TBC1D32: variants seen among roughly 807,000 people sequenced by gnomAD.
TBC1D32 encodes the protein protein broad-minded.
TBC1D32 carries 151 observed loss-of-function variants against 170.3 expected under a neutral mutation model. The observed-to-expected ratio is 0.89, with a 90% CI of 0.78 to 1.01. The LOEUF is 1.01. Ranked by LOEUF, TBC1D32 falls within the 50% of genes least tolerant of loss-of-function variation. The pLI, the probability that TBC1D32 is intolerant of heterozygous loss-of-function variation, is 0.00. For missense variants in TBC1D32, 1,464 were observed against 1,457.1 expected, an observed-to-expected ratio of 1.00 and a Z score of -0.08; for synonymous variants, 498 against 488.0, an observed-to-expected ratio of 1.02 and a Z score of -0.27.
At chr6:121,224,990 T>A (rs1486431028) in intron 20 of TBC1D32, among the ~76,000 whole-genome samples, 1 of 152,042 alleles carries the variant, frequency 6.6e-6, no homozygotes, top group Non-Finnish European at 1.5e-5. Context: ...AAAAAATAAC[T>A]GATACAATAA....
intron 24 of TBC1D32, among the ~76,000 whole-genome samples, chr6:121,146,960 C>T (rs947582915): frequency 3.3e-5 from 5 of 152,052 alleles, no homozygotes; most frequent in African/African-American, 9.7e-5. Context: ...TCATCCCATG[C>T]TCCCCCTTCC....
In TBC1D32 at chr6:121,113,092, G is replaced by A. The variant is rs1779350491; in HGVS notation, c.3139C>T (p.Gln1047Ter). 1 of 1,611,182 alleles carries A rather than the reference G, an allele frequency of 6.2e-7. No individual in the cohort carries two copies. Among genetic ancestry groups the A allele is most frequent in the Admixed American group, 1.7e-5 (1 of 59,472 alleles). Residue 1047 changes from glutamine to a stop codon, truncating the protein, a stop_gained, in exon 28 of 32, where the codon CAG becomes TAG. Coordinates refer to ENST00000398212, the MANE Select transcript of TBC1D32 (RefSeq NM_152730.6). LOFTEE classifies it high-confidence loss of function. ...VLKHCERFLK[Q>*]QQTSIKSSLL... ...GAAGATTTTATGGAAGTTTGCTGCT[G>A]TTTCAGGAATCTCTCACAATGCTTT...
At chr6:121,132,840 A>T (rs1781589436) in intron 24 of TBC1D32, among the ~76,000 whole-genome samples, 1 of 151,984 alleles carries the variant, frequency 6.6e-6, no homozygotes, top group South Asian at 2.1e-4. Context: ...CGAATAATAT[A>T]GTAAATGAAT....
rs1338946150 is a variant in TBC1D32 at position 121,256,178 on chromosome 6, A to T, written c.1841T>A (p.Ile614Asn). 6.2e-7 allele frequency: 1 copy of T among 1,614,058 alleles called. No homozygotes were observed. The highest frequency in any genetic ancestry group is 1.1e-5 in the South Asian group (1 of 91,076). ...ACTATATATGTGACGACACACAGAAATAAAAGCTCCTTTAACCACAGGCAA... is the reference window on the plus strand; with the variant it reads ...ACTATATATGTGACGACACACAGAATTAAAAGCTCCTTTAACCACAGGCAA... Reference protein sequence around the residue: ...EMLPVVKGAFISVCRHIYSTC... With the variant: ...EMLPVVKGAFNSVCRHIYSTC... The change falls in exon 16 of 32, where the codon ATT (isoleucine) becomes AAT (asparagine). Residue 614 changes from isoleucine (I) to asparagine (N), a missense_variant. Physicochemically the swap from Ile to Asn is moderately radical, Grantham distance 149. This residue lies in a region of TBC1D32 where 1,363 missense variants were observed against 1,338.1 expected (regional missense o/e 1.02). Coordinates refer to ENST00000398212, the MANE Select transcript of TBC1D32 (RefSeq NM_152730.6).
chr6:121,239,196 G>T lies in TBC1D32; in HGVS notation c.2246-8C>A. ...TAAGTTCATTAATAAACCCTAAAAA[G>T]AATTATTACTTCAAGTCATTTATAG... On this transcript the variant is annotated splice_region_variant and splice_polypyrimidine_tract_variant and intron_variant, in intron 19 of 31. Coordinates refer to ENST00000398212, the MANE Select transcript of TBC1D32 (RefSeq NM_152730.6). 2.1e-6 allele frequency: 3 copies of T among 1,461,082 alleles called. No individual in the cohort carries two copies. Among genetic ancestry groups the T allele is most frequent in the Non-Finnish European group, 2.9e-6 (3 of 1,050,082 alleles). The allele number at this position is 1,461,082 out of a possible 1,614,324, so 90.5% of individuals were successfully genotyped here. A position where few individuals can be genotyped will look rare whatever the true frequency, so the allele number is the denominator to read the frequency against.
At chr6:121,152,574 C>T (rs539029835) in intron 24 of TBC1D32, among the ~76,000 whole-genome samples, 13 of 151,848 alleles carry the variant, frequency 8.6e-5, no homozygotes, top group East Asian at 1.9e-4. Flanking sequence ...GGGTTCTCCT[C>T]GGTAATATCC....
At chr6:121,307,864 A>G in intron 5 of TBC1D32, 112 bp downstream of exon 5, 1 of 1,292,170 alleles carries the variant, frequency 7.7e-7, no homozygotes, top group Non-Finnish European at 1.0e-6. Context: ...CTCGGTCTCA[A>G]AAAAAACAAA....
rs369945173 is a variant in TBC1D32 at position 121,235,412 on chromosome 6, G to A, written c.2364+3658C>T. Among the ~76,000 whole-genome samples the A allele has an allele frequency of 6.6e-5, 10 of 152,276 alleles. No individual in the cohort carries two copies. In the East Asian group the frequency reaches 7.7e-4, roughly 12 times the overall value. On this transcript the variant is annotated intron_variant, in intron 20 of 31. Coordinates refer to ENST00000398212, the MANE Select transcript of TBC1D32 (RefSeq NM_152730.6). ...GTCTGAGCTCAGCCTCTCCTTGGGC[G>A]AAGTTTGCTGTGGCTGCTGTGGGGG...
chr6:121,100,431 C>T (rs149157577), intron 30 of TBC1D32, among the ~76,000 whole-genome samples: 2,180 of 151,978 alleles, frequency 0.014, 65 homozygotes, highest in African/African-American at 0.05. Flanking sequence ...TAAGGACTTG[C>T]TTTATGAATC....
intron 1 of TBC1D32, among the ~76,000 whole-genome samples, chr6:121,330,884 T>C (rs968163516): frequency 2.6e-5 from 4 of 152,058 alleles, no homozygotes; most frequent in African/African-American, 7.2e-5. Context: ...CTTCTCTCTC[T>C]CCCCTCCCAC....
intron 20 of TBC1D32, 84 bp from the exon 21 acceptor site, chr6:121,223,436 G>T: frequency 6.7e-6 from 6 of 899,090 alleles, no homozygotes; most frequent in Non-Finnish European, 1.1e-5. Flanking sequence ...TTTCCTATCT[G>T]TATGACTTTG....
At chr6:121,243,296 A>G (rs1293959165) in intron 17 of TBC1D32, among the ~76,000 whole-genome samples, 4 of 152,200 alleles carry the variant, frequency 2.6e-5, no homozygotes, top group Non-Finnish European at 4.4e-5. Flanking sequence ...TACTCAGAAC[A>G]GTAGAAAGTA....
chr6:121,130,168 C>T (rs1781278551), intron 25 of TBC1D32, among the ~76,000 whole-genome samples: 1 of 152,016 alleles, frequency 6.6e-6, no homozygotes, highest in East Asian at 1.9e-4. Context: ...AACTTTTAGA[C>T]TCTATTTTTA....
chr6:121,224,714 G>A (rs1702480752), intron 20 of TBC1D32, among the ~76,000 whole-genome samples: 1 of 152,002 alleles, frequency 6.6e-6, no homozygotes, highest in Non-Finnish European at 1.5e-5. Flanking sequence ...TCAAGTCCAT[G>A]TTATATCTCC....
chr6:121,244,787 T>C (rs776593128), intron 17 of TBC1D32, among the ~76,000 whole-genome samples: 7 of 152,136 alleles, frequency 4.6e-5, no homozygotes, highest in African/African-American at 1.4e-4. Context: ...TGGGAGCCAA[T>C]TTGTGGGAGA....
chr6:121,112,676 A>G lies in TBC1D32; in HGVS notation c.3170-17T>C, dbSNP rs776219743. 6.5e-7 allele frequency: 1 copy of G among 1,538,302 alleles called. No homozygotes were observed. Among genetic ancestry groups the G allele is most frequent in the Non-Finnish European group, 8.7e-7 (1 of 1,148,788 alleles). On this transcript the variant is annotated splice_polypyrimidine_tract_variant and intron_variant, in intron 28 of 31. Coordinates refer to ENST00000398212, the MANE Select transcript of TBC1D32 (RefSeq NM_152730.6). ...GCAGGCAGACTGAAAAACACAGTTA[A>G]GAAAACTTTACAATATTTTGTAAGA... is the stretch of plus-strand genomic sequence containing the variant.
chr6:121,153,213 T>A (rs1446743504), intron 24 of TBC1D32, among the ~76,000 whole-genome samples: 1 of 152,092 alleles, frequency 6.6e-6, no homozygotes, highest in Non-Finnish European at 1.5e-5. Context: ...GTTGATGCCA[T>A]TGCTTTCTGT....
intron 22 of TBC1D32, among the ~76,000 whole-genome samples, chr6:121,191,193 T>G (rs1288201642): frequency 1.3e-5 from 2 of 152,222 alleles, no homozygotes; most frequent in African/African-American, 4.8e-5. Flanking sequence ...TTTTGTTATA[T>G]ACATGCATGC....
chr6:121,241,468 A>ACT lies in TBC1D32; in HGVS notation c.2240_2241dup (p.Gly749GlnfsTer8). The ACT allele has an allele frequency of 6.2e-7, 1 of 1,612,002 alleles. No homozygotes were observed. Among genetic ancestry groups the ACT allele is most frequent in the Non-Finnish European group, 8.5e-7 (1 of 1,178,956 alleles). On this transcript the variant is annotated frameshift_variant, in exon 19 of 32. Transcript: ENST00000398212. LOFTEE classifies it high-confidence loss of function. ...CTAATGAAAAGAAAACATTTACCTG[A>ACT]CTTTTTTAGTGCAATGCCACCTGCT... is the stretch of plus-strand genomic sequence containing the variant.
Sources: allele counts gnomAD v4.1 joint callset (sites outside exome capture counted in the v4.1 genomes callset), GRCh38; gene constraint gnomAD v4.1.1; regional missense constraint gnomAD v4.1.1; transcripts MANE v1.5; gene names NCBI Gene and HGNC (gene_info 2026-07-23, HGNC 2026-07-21).